SAMSN1: variants seen among roughly 807,000 people sequenced by gnomAD.
SAMSN1 encodes the protein SAM domain-containing protein SAMSN-1.
A neutral mutation model predicts 42.0 loss-of-function variants in SAMSN1; 31 were observed. The observed-to-expected ratio is 0.74, with a 90% CI of 0.55 to 1.00. The LOEUF is 1.00. Among genes scored for constraint, SAMSN1 ranks in the 50% least tolerant of loss-of-function variants. The probability of loss-of-function intolerance (pLI) is 0.00; values close to 1 mark genes in which losing one functional copy is unlikely to be tolerated. For missense variants in SAMSN1, 464 were observed against 439.4 expected (o/e 1.06, Z -0.50); for synonymous variants, 178 against 151.9 (o/e 1.17, Z -1.26).
intron 6 of SAMSN1, among the ~76,000 whole-genome samples, chr21:14,499,401 C>T (rs1242760390): frequency 6.7e-6 from 1 of 149,680 alleles, no homozygotes; most frequent in African/African-American, 2.5e-5. Flanking sequence ...GCTCTAATTT[C>T]AATATCCTTA....
chr21:14,487,420 T>A (rs891076272), intron 7 of SAMSN1, among the ~76,000 whole-genome samples: 4 of 152,128 alleles, frequency 2.6e-5, no homozygotes, highest in African/African-American at 9.7e-5. Context: ...TAGTTTATGA[T>A]CCACTGTGTG....
chr21:14,501,675 TAAAGA>T (rs145244233), intron 5 of SAMSN1, among the ~76,000 whole-genome samples: 2,959 of 152,306 alleles, frequency 0.019, 69 homozygotes, highest in South Asian at 0.11. Flanking sequence ...TCATCTAAAA[TAAAGA>T]AATTTTGCAG....
At chr21:14,537,704 A>T (rs1410358890) in intron 1 of SAMSN1, among the ~76,000 whole-genome samples, 4 of 152,170 alleles carry the variant, frequency 2.6e-5, no homozygotes, top group Admixed American at 6.5e-5. Context: ...CCCAATCATC[A>T]GTTTTTTTTT....
chr21:14,494,680 C>T (rs921782351), intron 7 of SAMSN1, among the ~76,000 whole-genome samples: 11 of 149,000 alleles, frequency 7.4e-5, no homozygotes, highest in Non-Finnish European at 1.3e-4. Context: ...ATGTTCTGCA[C>T]GTGTATCCCA....
intron 4 of SAMSN1, among the ~76,000 whole-genome samples, chr21:14,511,214 C>T (rs1048041650): frequency 6.6e-6 from 1 of 152,160 alleles, no homozygotes; most frequent in African/African-American, 2.4e-5. Flanking sequence ...ATAGCTCCTT[C>T]AAGATGCTCC....
Position 14,633,588 on chromosome 21 carries a change from A to G in SAMSN1, c.156+9414T>C, listed in dbSNP as rs1362860711. Among the ~76,000 whole-genome samples, 4 of 152,340 alleles carry G rather than the reference A, an allele frequency of 2.6e-5. No individual in the cohort carries two copies. In the South Asian group the frequency reaches 6.2e-4, roughly 24 times the overall value. ...AGTTATCCCAAGTTGAAAGTGGAGA[A>G]TTATGCCTGGTGGCCTAATATGATT... is the stretch of plus-strand genomic sequence containing the variant. On this transcript the variant is annotated intron_variant, in intron 2 of 15. Transcript: ENST00000647101.
At position 14,485,923 on chromosome 21, in the gene SAMSN1, GC is replaced by G; in HGVS notation, c.1110del (p.Glu370AspfsTer39). On this transcript the variant is annotated frameshift_variant, in exon 8 of 8. Coordinates refer to ENST00000400566, the MANE Select transcript of SAMSN1 (RefSeq NM_022136.5). LOFTEE classifies it high-confidence loss of function. ...SDMVHKIIIT[E>X]PSD ...TTGGGAATGCGTGTTCAGTCACTTGGCTCTGTGATAATAATCTTATGTACCA... is the reference window on the plus strand; with the variant it reads ...TTGGGAATGCGTGTTCAGTCACTTGGTCTGTGATAATAATCTTATGTACCA... 1 of 1,612,978 alleles carries G rather than the reference GC, an allele frequency of 6.2e-7. No individual in the cohort carries two copies. The highest frequency in any genetic ancestry group is 8.5e-7 in the Non-Finnish European group (1 of 1,179,182).
At chr21:14,523,055 T>G (rs1978595122) in intron 1 of SAMSN1, among the ~76,000 whole-genome samples, 1 of 149,242 alleles carries the variant, frequency 6.7e-6, no homozygotes, top group Admixed American at 6.6e-5. Flanking sequence ...CAGGAACTGA[T>G]TTTTTTTTCT....
In SAMSN1 at chr21:14,543,435, G is replaced by A. The variant is rs147872815; in HGVS notation, c.57+2770C>T. Among the ~76,000 whole-genome samples, 528 of 152,174 alleles carry A rather than the reference G, an allele frequency of 3.5e-3. 5 individuals are homozygous for A. The highest frequency in any genetic ancestry group is 0.012 in the African/African-American group (485 of 41,508). On this transcript the variant is annotated intron_variant, in intron 1 of 7. Coordinates refer to ENST00000400566, the MANE Select transcript of SAMSN1 (RefSeq NM_022136.5). Reference sequence around the variant, plus strand: ...TTTTAAATTCATGAACATGTTTATCGATAAGTTTTAGGAATATAAGAAAAT... The same window carrying A: ...TTTTAAATTCATGAACATGTTTATCAATAAGTTTTAGGAATATAAGAAAAT...
intron 2 of SAMSN1, among the ~76,000 whole-genome samples, chr21:14,564,397 G>T (rs759776188): frequency 1.3e-5 from 2 of 152,142 alleles, no homozygotes; most frequent in Non-Finnish European, 2.9e-5. Context: ...ATAGATTACT[G>T]CATCTCACTA....
chr21:14,582,484 A>G (rs1277699633), exon 2 of SAMSN1: 1 of 1,076,090 alleles, frequency 9.3e-7, no homozygotes, highest in East Asian at 2.6e-5. Context: ...TGTCATCTTC[A>G]TCTTCTGAAT....
intron 2 of SAMSN1, among the ~76,000 whole-genome samples, chr21:14,634,920 A>G (rs919591899): frequency 7.2e-5 from 11 of 152,238 alleles, no homozygotes; most frequent in Non-Finnish European, 1.6e-4. Context: ...TAGCAAAGAC[A>G]TGGAACCAAC....
At chr21:14,582,384 A>G (rs1981766904) in exon 2 of SAMSN1, 2 of 1,550,254 alleles carry the variant, frequency 1.3e-6, no homozygotes, top group East Asian at 2.4e-5. Context: ...AGAGTATCCA[A>G]TCTAATCTCC....
chr21:14,654,581 A>C (rs460280), intron 1 of SAMSN1, among the ~76,000 whole-genome samples: 1 of 151,796 alleles, frequency 6.6e-6, no homozygotes, highest in Admixed American at 6.6e-5. Context: ...GCTATAAAAG[A>C]GGGCTGAAAA....
chr21:14,647,257 G>T (rs1360586835), intron 1 of SAMSN1, among the ~76,000 whole-genome samples: 2 of 152,072 alleles, frequency 1.3e-5, no homozygotes, highest in Admixed American at 6.6e-5. Context: ...TTTCCCCATT[G>T]CTTGTTTTTC....
intron 1 of SAMSN1, among the ~76,000 whole-genome samples, chr21:14,522,239 G>A (rs1416191891): frequency 6.6e-6 from 1 of 152,150 alleles, no homozygotes; most frequent in Non-Finnish European, 1.5e-5. Context: ...TTTCTGATAT[G>A]CAACAAAATA....
At chr21:14,611,806 G>T (rs933017823) in intron 4 of SAMSN1, among the ~76,000 whole-genome samples, 38 of 152,144 alleles carry the variant, frequency 2.5e-4, no homozygotes, top group African/African-American at 8.5e-4. Flanking sequence ...TATCACTTTA[G>T]TCAGAATGAG....
chr21:14,563,874 G>A (rs1329412819), intron 2 of SAMSN1, among the ~76,000 whole-genome samples: 1 of 152,128 alleles, frequency 6.6e-6, no homozygotes, highest in Non-Finnish European at 1.5e-5. Flanking sequence ...AGTAGTGGTA[G>A]AATAACCTAA....
At chr21:14,591,126 T>C (rs925838529) in intron 7 of SAMSN1, among the ~76,000 whole-genome samples, 3 of 152,150 alleles carry the variant, frequency 2.0e-5, no homozygotes. Flanking sequence ...ACATTAGATA[T>C]TCGTATATCA....
Sources: gnomAD v4.1 joint callset for allele counts (sites outside exome capture counted in the v4.1 genomes callset) on GRCh38, gnomAD v4.1.1 for gene constraint, MANE v1.5 for transcripts, NCBI Gene and HGNC (gene_info 2026-07-23, HGNC 2026-07-21) for gene names.